The following SLCO3A1 variants were observed in gnomAD, a reference collection of about 807,000 sequenced individuals.
SLCO3A1 encodes the protein solute carrier organic anion transporter family member 3A1, also known as PGE1 transporter.
SLCO3A1 carries 27 observed loss-of-function variants against 63.1 expected under a neutral mutation model. The observed-to-expected ratio is 0.43, with a 90% CI of 0.32 to 0.59. The LOEUF is 0.59. SLCO3A1 is among the 20% of genes least tolerant of loss of function. The pLI is 0.09. For synonymous variants in SLCO3A1, 473 were observed against 409.9 expected (o/e 1.15, Z -1.86); for missense variants, 773 against 945.8 (o/e 0.82, Z 2.40).
intron 7 of SLCO3A1, among the ~76,000 whole-genome samples, chr15:92,130,952 T>C (rs1187039755): frequency 6.6e-6 from 1 of 150,772 alleles, no homozygotes; most frequent in Non-Finnish European, 1.5e-5. Context: ...CTTTTCACAG[T>C]GATCCCCTGG....
chr15:91,879,520 A>T (rs1464692672), intron 1 of SLCO3A1, among the ~76,000 whole-genome samples: 1 of 133,532 alleles, frequency 7.5e-6, no homozygotes, highest in South Asian at 3.4e-4. Context: ...AGCTACTATG[A>T]TGCCTATACA....
intron 7 of SLCO3A1, among the ~76,000 whole-genome samples, chr15:92,135,626 A>G (rs1283127012): frequency 6.6e-6 from 1 of 152,236 alleles, no homozygotes; most frequent in African/African-American, 2.4e-5. Context: ...AAAGACAGTA[A>G]TAAATGACAG....
rs1363224943 is a variant in SLCO3A1 at position 91,880,131 on chromosome 15, G to GTCCGTCCGTCCA, written c.180+26046_180+26047insGTCCGTCCATCC. Among the ~76,000 whole-genome samples, 5 of 130,554 alleles carry GTCCGTCCGTCCA rather than the reference G, an allele frequency of 3.8e-5. No individual in the cohort carries two copies. The East Asian group carries it at 6.8e-4, about 18-fold the overall frequency. 85.6% of individuals were successfully genotyped at this position (130,554 alleles called of 152,430 possible). A position where few individuals can be genotyped will look rare whatever the true frequency, so the allele number is the denominator to read the frequency against. ...CGTCCGTCCGTCCGTCCGTCCGTCC[G>GTCCGTCCGTCCA]TCCATCCATCCATCCATCCATCCAT... On this transcript the variant is annotated intron_variant, in intron 1 of 9. Coordinates refer to ENST00000318445, the MANE Select transcript of SLCO3A1 (RefSeq NM_013272.4).
intron 2 of SLCO3A1, among the ~76,000 whole-genome samples, chr15:92,017,425 A>G (rs1186837383): frequency 1.3e-5 from 2 of 152,250 alleles, no homozygotes; most frequent in Non-Finnish European, 2.9e-5. Context: ...TGTTGAACAC[A>G]TGGCAAAGAG....
chr15:92,144,841 C>G (rs529094385), intron 7 of SLCO3A1, among the ~76,000 whole-genome samples: 1 of 152,152 alleles, frequency 6.6e-6, no homozygotes, highest in African/African-American at 2.4e-5. Context: ...GATGCCTCAC[C>G]CGTGCTCATG....
intron 7 of SLCO3A1, among the ~76,000 whole-genome samples, chr15:92,143,458 T>TAAAA (rs370521415): frequency 2.1e-4 from 1 of 4,656 alleles, no homozygotes; most frequent in African/African-American, 2.0e-3. Context: ...ATAATATATA[T>TAAAA]AATATATATA....
intron 2 of SLCO3A1, among the ~76,000 whole-genome samples, chr15:92,056,589 T>A (rs1390850050): frequency 6.6e-6 from 1 of 152,238 alleles, no homozygotes; most frequent in East Asian, 1.9e-4. Flanking sequence ...AGTGAGAGTG[T>A]TTATTTTCTT....
intron 2 of SLCO3A1, among the ~76,000 whole-genome samples, chr15:92,086,018 T>C (rs1390211366): frequency 6.6e-6 from 1 of 152,208 alleles, no homozygotes; most frequent in Admixed American, 6.5e-5. Context: ...AGTATGTTTT[T>C]CTGTTCTACC....
intron 2 of SLCO3A1, among the ~76,000 whole-genome samples, chr15:91,975,464 A>T (rs558531687): frequency 2.8e-4 from 43 of 152,352 alleles, no homozygotes; most frequent in African/African-American, 9.6e-4. Flanking sequence ...CATTGGCAGG[A>T]TTAGCCACAG....
chr15:92,060,622 C>T (rs1280331028), intron 2 of SLCO3A1, among the ~76,000 whole-genome samples: 22 of 152,118 alleles, frequency 1.4e-4, no homozygotes, highest in African/African-American at 5.1e-4. Context: ...GCCTCAGCCT[C>T]CCAAGTAACT....
chr15:91,927,461 A>G (rs1476205196), intron 2 of SLCO3A1, among the ~76,000 whole-genome samples: 1 of 152,186 alleles, frequency 6.6e-6, no homozygotes, highest in Non-Finnish European at 1.5e-5. Flanking sequence ...GGGACTAAAC[A>G]ATTCTGGGGA....
At chr15:91,970,931 A>G (rs926228863) in intron 2 of SLCO3A1, among the ~76,000 whole-genome samples, 2 of 152,146 alleles carry the variant, frequency 1.3e-5, no homozygotes, top group Non-Finnish European at 2.9e-5. Flanking sequence ...AAATAGGTAT[A>G]GGCATATGTA....
intron 1 of SLCO3A1, among the ~76,000 whole-genome samples, chr15:91,890,009 A>G (rs2151356095): frequency 6.6e-6 from 1 of 152,344 alleles, no homozygotes; most frequent in South Asian, 2.1e-4. Context: ...TTCTGCATAT[A>G]GTTGTGTATT....
intron 2 of SLCO3A1, among the ~76,000 whole-genome samples, chr15:92,059,380 G>A (rs1053949311): frequency 2.0e-5 from 3 of 152,156 alleles, no homozygotes; most frequent in Non-Finnish European, 4.4e-5. Flanking sequence ...CTTTGCAACC[G>A]GGGCACACAC....
intron 2 of SLCO3A1, among the ~76,000 whole-genome samples, chr15:91,943,792 G>T (rs988577497): frequency 7.9e-5 from 12 of 152,288 alleles, no homozygotes; most frequent in African/African-American, 2.2e-4. Flanking sequence ...CTCCATCTGT[G>T]CTAGGTCATG....
At chr15:92,108,586 A>G (rs912196796) in intron 4 of SLCO3A1, among the ~76,000 whole-genome samples, 2 of 152,242 alleles carry the variant, frequency 1.3e-5, no homozygotes, top group African/African-American at 2.4e-5. Context: ...ATTAAATATC[A>G]TCTCCACAGT....
At chr15:92,007,067 T>A (rs12908689) in intron 2 of SLCO3A1, among the ~76,000 whole-genome samples, 48,389 of 152,148 alleles carry the variant, frequency 0.32, 7,994 homozygotes, top group Admixed American at 0.37. Flanking sequence ...CAACAGTTTA[T>A]AAACGAACTA....
At chr15:91,956,876 A>T (rs113270464) in intron 2 of SLCO3A1, among the ~76,000 whole-genome samples, 2 of 116,362 alleles carry the variant, frequency 1.7e-5, no homozygotes, top group African/African-American at 3.4e-5. Context: ...TGCAGCCTCC[A>T]CCTCCTGGGT....
chr15:92,085,628 G>A (rs1050026444), intron 2 of SLCO3A1, among the ~76,000 whole-genome samples: 14 of 152,334 alleles, frequency 9.2e-5, no homozygotes, highest in Middle Eastern at 3.4e-3. Flanking sequence ...GCATACGTGT[G>A]TATTAAAAAT....
Sources: allele counts gnomAD v4.1 joint callset (sites outside exome capture counted in the v4.1 genomes callset), GRCh38; gene constraint gnomAD v4.1.1; transcripts MANE v1.5; gene names NCBI Gene and HGNC (gene_info 2026-07-23, HGNC 2026-07-21).